The following RBCK1 variants were observed in gnomAD, a reference collection of about 807,000 sequenced individuals.
RBCK1 encodes RANBP2-type and C3HC4-type zinc finger containing 1, also known as ranBP-type and C3HC4-type zinc finger-containing protein 1.
RBCK1 carries 44 observed loss-of-function variants against 71.1 expected under a neutral mutation model. The observed-to-expected ratio is 0.62, with a 90% CI of 0.49 to 0.80. RBCK1 has a LOEUF of 0.80. RBCK1 is among the 30% of genes least tolerant of loss of function. RBCK1 has a pLI of 0.00. For synonymous variants in RBCK1, 306 were observed against 279.7 expected, an observed-to-expected ratio of 1.09 and a Z score of -0.94; for missense variants, 569 against 685.0, an observed-to-expected ratio of 0.83 and a Z score of 1.89.
chr20:427,035 G>A (rs899421215), intron 8 of RBCK1, among the ~76,000 whole-genome samples: 1 of 151,680 alleles, frequency 6.6e-6, no homozygotes. Flanking sequence ...AGGTCTCACT[G>A]TATTTCTCAG....
At position 417,649 on chromosome 20, in the gene RBCK1, G is replaced by T. The variant is rs540263731; in HGVS notation, c.261+30G>T. Reference sequence around the variant, plus strand: ...GTGAGGAGGCGGAGGGCGACACTGGGGTGAAGGCTCTCCCTTTCACTCCTG... The same window carrying T: ...GTGAGGAGGCGGAGGGCGACACTGGTGTGAAGGCTCTCCCTTTCACTCCTG... On this transcript the variant is annotated intron_variant, in intron 3 of 11. Coordinates refer to ENST00000356286, the MANE Select transcript of RBCK1 (RefSeq NM_031229.4). The surrounding 1 kb of genome is among the most constrained non-coding windows in gnomAD (Gnocchi z 4.7). 6 of 1,607,610 alleles carry T rather than the reference G, an allele frequency of 3.7e-6. No homozygotes were observed. Among genetic ancestry groups the T allele is most frequent in the Non-Finnish European group, 5.1e-6 (6 of 1,174,552 alleles).
rs2017021898 is a variant in RBCK1, at chr20:431,783, GGAT to G, written c.*1356_*1358del. Among the ~76,000 whole-genome samples, 1 of 152,206 alleles carries G rather than the reference GGAT, an allele frequency of 6.6e-6. No individual in the cohort carries two copies. Among genetic ancestry groups the G allele is most frequent in the East Asian group, 1.9e-4 (1 of 5,200 alleles). On this transcript the variant is annotated 3_prime_UTR_variant, in exon 12 of 12. Transcript: ENST00000356286. This position sits in a 1 kb window ranked among gnomAD's most constrained non-coding sequence, Gnocchi z 4.8. ...GCTCAGGGCAGTCAACCGTCGCAGAGGATGAGGGGCACACTCAGGCAGCCTCCC... is the reference window on the plus strand; with the variant it reads ...GCTCAGGGCAGTCAACCGTCGCAGAGGAGGGGCACACTCAGGCAGCCTCCC...
chr20:427,608 C>A, intron 9 of RBCK1, 116 bp downstream of exon 9: 1 of 1,131,802 alleles, frequency 8.8e-7, no homozygotes, highest in Non-Finnish European at 1.3e-6. Context: ...CTGGTCATGA[C>A]TTAGAGCTAC....
Position 428,446 on chromosome 20 carries a change from AC to A in RBCK1, c.1210-40del. 6.9e-7 allele frequency: 1 copy of A among 1,440,528 alleles called. No individual in the cohort carries two copies. The highest frequency in any genetic ancestry group is 9.4e-7 in the Non-Finnish European group (1 of 1,061,014). 89.2% of individuals were successfully genotyped at this position (1,440,528 alleles called of 1,614,324 possible). ...GCACCTCACCTCTCCCAGCTTCTTA[AC>A]CCCCTGAGGAACCTTCTTACCTTGA... On this transcript the variant is annotated intron_variant, in intron 9 of 11. Transcript: ENST00000356286. The surrounding 1 kb of genome is among the most constrained non-coding windows in gnomAD (Gnocchi z 5.7).
chr20:429,249 G>A lies in RBCK1; in HGVS notation c.1452+155G>A, dbSNP rs147468187. Among the ~76,000 whole-genome samples, 1,021 of 148,692 alleles carry A rather than the reference G, an allele frequency of 6.9e-3. 5 individuals are homozygous for A. Among genetic ancestry groups the A allele is most frequent in the Non-Finnish European group, 8.7e-3 (583 of 67,228 alleles). On this transcript the variant is annotated intron_variant, in intron 11 of 11. Coordinates refer to ENST00000356286, the MANE Select transcript of RBCK1 (RefSeq NM_031229.4). ...GAATTTTTTTTTTTTTTTTTGAAAC[G>A]GAGTTTCACTCTTGTTGCCCAGGCT...
intron 11 of RBCK1, among the ~76,000 whole-genome samples, chr20:429,583 C>T (rs915639476): frequency 1.3e-5 from 2 of 152,180 alleles, no homozygotes; most frequent in Admixed American, 6.5e-5. Context: ...TATTTTGTGA[C>T]GTGAAAATTA....
rs780027024 is a variant in RBCK1 at position 428,425 on chromosome 20, C to G, written c.1210-66C>G. On this transcript the variant is annotated intron_variant, in intron 9 of 11. Coordinates refer to ENST00000356286, the MANE Select transcript of RBCK1 (RefSeq NM_031229.4). The surrounding 1 kb of genome is among the most constrained non-coding windows in gnomAD (Gnocchi z 5.7). ...GCCTTTGTGGACTCCTGCCCTGCAC[C>G]TCACCTCTCCCAGCTTCTTAACCCC... The G allele has an allele frequency of 1.6e-6, 2 of 1,224,938 alleles. No homozygotes were observed. Among genetic ancestry groups the G allele is most frequent in the Non-Finnish European group, 2.3e-6 (2 of 877,388 alleles). The allele number at this position is 1,224,938 out of a possible 1,614,324, so 75.9% of individuals were successfully genotyped here. A position where few individuals can be genotyped will look rare whatever the true frequency, so the allele number is the denominator to read the frequency against.
In RBCK1 at chr20:419,747, C is replaced by T; in HGVS notation, c.756+16C>T. 1 of 1,544,328 alleles carries T rather than the reference C, an allele frequency of 6.5e-7. No homozygotes were observed. On this transcript the variant is annotated intron_variant, in intron 6 of 11. Coordinates refer to ENST00000356286, the MANE Select transcript of RBCK1 (RefSeq NM_031229.4). The stretch of plus-strand genomic sequence containing the variant: ...GTACCAGCAGGTGGGCGGGAAAGTC[C>T]CTGGACAGACACCTGCAGACCGCAC...
chr20:417,744 T>C lies in RBCK1; in HGVS notation c.274T>C (p.Tyr92His). The C allele has an allele frequency of 6.2e-7, 1 of 1,613,138 alleles. No homozygotes were observed. The highest frequency in any genetic ancestry group is 1.3e-5 in the African/African-American group (1 of 75,034). The change falls in exon 4 of 12, where the codon TAT (tyrosine) becomes CAT (histidine). Residue 92 changes from tyrosine to histidine, a missense_variant. Tyr to His is a moderately conservative substitution (Grantham distance 83, BLOSUM62 2). Around this residue, in one of 2 missense-constraint regions of RBCK1, gnomAD observed 358 missense variants for 375.6 expected, o/e 0.95. Coordinates refer to ENST00000356286, the MANE Select transcript of RBCK1 (RefSeq NM_031229.4). The surrounding 1 kb of genome is among the most constrained non-coding windows in gnomAD (Gnocchi z 4.7). ...ASLKDMVFLD[Y>H]GFPPVLQQWV... ...TTGCCCCCACCAGGTTTTTCTGGAC[T>C]ATGGCTTCCCACCAGTCTTGCAGCA...
intron 7 of RBCK1, 97 bp downstream of exon 7, chr20:421,128 A>G (rs2016408460): frequency 1.4e-6 from 2 of 1,386,288 alleles, no homozygotes; most frequent in Non-Finnish European, 1.9e-6. Context: ...CTGATACCTC[A>G]TTGGACGCCC....
chr20:410,013 C>T lies in RBCK1; in HGVS notation c.155C>T (p.Thr52Met), dbSNP rs779329081. 4.3e-6 allele frequency: 7 copies of T among 1,613,904 alleles called. No homozygotes were observed. The highest frequency in any genetic ancestry group is 3.3e-5 in the Admixed American group (2 of 60,006). ...SVQLKPEVSP[T>M]QDIRLWVSVE... ...CAACTGAAGCCTGAGGTCTCCCCAACGCAGGACATCAGGTGAGGAGTGCAT... is the reference window on the plus strand; with the variant it reads ...CAACTGAAGCCTGAGGTCTCCCCAATGCAGGACATCAGGTGAGGAGTGCAT... The change falls in exon 2 of 12, where the codon ACG (threonine) becomes ATG (methionine). Residue 52 changes from threonine to methionine, a missense_variant. Thr to Met is a moderately conservative substitution (Grantham distance 81, BLOSUM62 -1). This residue lies in a region of RBCK1 where 358 missense variants were observed against 375.6 expected (regional missense o/e 0.95). Transcript: ENST00000356286.
rs1318750317 is a variant in RBCK1 at position 419,866 on chromosome 20, C to CATG, written c.756+135_756+136insATG. On this transcript the variant is annotated intron_variant, in intron 6 of 11. Transcript: ENST00000356286. ...TCCCAACCATGCTGCTGGCAGTGAC[C>CATG]CTGCACCTGGCTGTGACCCTGCACC... is the stretch of plus-strand genomic sequence containing the variant. The CATG allele has an allele frequency of 4.7e-3, 1,425 of 303,622 alleles. 6 individuals carry two copies. The Middle Eastern group carries it at 0.071, about 15-fold the overall frequency. 18.8% of individuals were successfully genotyped at this position (303,622 alleles called of 1,614,324 possible).
intron 1 of RBCK1, among the ~76,000 whole-genome samples, chr20:409,581 G>C (rs1222690503): frequency 6.6e-6 from 1 of 152,122 alleles, no homozygotes; most frequent in South Asian, 2.1e-4. Context: ...TGGGACAGTG[G>C]GTGGCACACA....
At chr20:410,939 G>A (rs2015670594) in intron 2 of RBCK1, among the ~76,000 whole-genome samples, 2 of 151,904 alleles carry the variant, frequency 1.3e-5, no homozygotes, top group African/African-American at 4.8e-5. Flanking sequence ...TATATTCAAG[G>A]TTGTGCAACC....
rs149008463 is a variant in RBCK1, at chr20:410,008, C to T, written c.150C>T (p.Ser50=). The change falls in exon 2 of 12, where the codon TCC becomes TCT. Residue 50 remains serine, a synonymous_variant. Transcript: ENST00000356286. ...PLSVQLKPEV[S]PTQDIRLWVS... The stretch of plus-strand genomic sequence containing the variant: ...GTGTGCAACTGAAGCCTGAGGTCTC[C>T]CCAACGCAGGACATCAGGTGAGGAG... The T allele has an allele frequency of 9.9e-4, 1,597 of 1,613,950 alleles. 4 individuals carry two copies. Among genetic ancestry groups the T allele is most frequent in the South Asian group, 1.2e-3 (110 of 91,060 alleles).
intron 2 of RBCK1, among the ~76,000 whole-genome samples, chr20:416,330 T>A (rs1366558770): frequency 6.6e-6 from 1 of 151,934 alleles, no homozygotes; most frequent in Non-Finnish European, 1.5e-5. Flanking sequence ...TAATTTTTTT[T>A]TTTGTATTTT....
Position 420,905 on chromosome 20 carries a change from A to G in RBCK1, c.791A>G (p.Gln264Arg). 1 of 1,553,210 alleles carries G rather than the reference A, an allele frequency of 6.4e-7. No homozygotes were observed. The highest frequency in any genetic ancestry group is 1.4e-5 in the African/African-American group (1 of 72,148). Residue 264 changes from glutamine (Q) to arginine (R), a missense_variant, in exon 7 of 12, where the codon CAG (glutamine) becomes CGG (arginine). Around this residue, in one of 2 missense-constraint regions of RBCK1, gnomAD observed 358 missense variants for 375.6 expected, o/e 0.95. Coordinates refer to ENST00000356286, the MANE Select transcript of RBCK1 (RefSeq NM_031229.4). ...CAGCAGCAGGAGGGGAACTACCTGC[A>G]GCACGTCCAGCTGGACCAGAGGAGC... ...KQQQQEGNYL[Q>R]HVQLDQRSLV...
At chr20:429,171 G>T (rs2016891922) in intron 11 of RBCK1, 77 bp downstream of exon 11, 2 of 1,517,380 alleles carry the variant, frequency 1.3e-6, no homozygotes, top group South Asian at 2.6e-5. Flanking sequence ...GAAAACTACA[G>T]CCCATGGGCC....
chr20:421,003 C>T lies in RBCK1; in HGVS notation c.889C>T (p.Leu297=), dbSNP rs1330864432. Residue 297 remains leucine, a synonymous_variant, in exon 7 of 12, where the codon CTG becomes TTG. Transcript: ENST00000356286. ...GCTGGCGCCCGGCGAGGCCGTGGTG[C>T]TGCGTGAGTGTCTGCACACCTTCTG... ...SVLAPGEAVV[L]RECLHTFCRE... The T allele has an allele frequency of 1.7e-5, 27 of 1,567,092 alleles. No homozygotes were observed. The highest frequency in any genetic ancestry group is 2.7e-5 in the African/African-American group (2 of 73,732).
Sources: allele counts gnomAD v4.1 joint callset (sites outside exome capture counted in the v4.1 genomes callset), GRCh38; gene constraint gnomAD v4.1.1; regional missense constraint gnomAD v4.1.1; non-coding constraint Gnocchi (gnomAD v3.1); transcripts MANE v1.5; gene names NCBI Gene and HGNC (gene_info 2026-07-23, HGNC 2026-07-21).